Variants in HIP1 observed in about 807,000 individuals in gnomAD.
The protein encoded by HIP1 is huntingtin interacting protein 1.
A neutral mutation model predicts 147.6 loss-of-function variants in HIP1; 65 were observed. The ratio of observed to expected loss-of-function variants is 0.44; its 90% CI spans 0.36 to 0.54. The LOEUF is 0.54. Among genes scored for constraint, HIP1 ranks in the 20% least tolerant of loss-of-function variants. The probability of loss-of-function intolerance (pLI) is 0.00; values close to 1 mark genes in which losing one functional copy is unlikely to be tolerated. For synonymous variants in HIP1, 479 were observed against 504.0 expected (o/e 0.95, Z 0.67); for missense variants, 1,061 against 1,299.6 (o/e 0.82, Z 2.82).
At chr7:75,614,392 G>GACACACAC (rs148907808) in intron 1 of HIP1, among the ~76,000 whole-genome samples, 1 of 150,344 alleles carries the variant, frequency 6.7e-6, no homozygotes, top group Admixed American at 6.6e-5. Context: ...CACACACATA[G>GACACACAC]ACACACACAC....
chr7:75,563,164 G>A (rs1302079190), intron 10 of HIP1, 24 bp downstream of exon 10: 2 of 1,613,996 alleles, frequency 1.2e-6, no homozygotes, highest in African/African-American at 2.7e-5. Flanking sequence ...GCAGTGCCGA[G>A]GGTGTGTGGT....
chr7:75,736,261 C>A (rs1802017648), intron 1 of HIP1, among the ~76,000 whole-genome samples: 1 of 150,980 alleles, frequency 6.6e-6, no homozygotes, highest in South Asian at 2.1e-4. Flanking sequence ...GGAAACATAC[C>A]ACTCACGGGT....
chr7:75,556,419 T>C (rs1313099330), intron 17 of HIP1, among the ~76,000 whole-genome samples: 2 of 152,106 alleles, frequency 1.3e-5, no homozygotes, highest in African/African-American at 4.8e-5. Context: ...TGAAGGCTCA[T>C]GTCTGTAATC....
At chr7:75,665,800 C>T (rs1288269866) in intron 1 of HIP1, among the ~76,000 whole-genome samples, 1 of 152,170 alleles carries the variant, frequency 6.6e-6, no homozygotes, top group Non-Finnish European at 1.5e-5. Context: ...TTCGGCCTCC[C>T]AAAGTGCTGG....
Position 75,642,967 on chromosome 7 carries a change from C to T in HIP1, c.121-43720G>A, listed in dbSNP as rs118057570. Reference sequence around the variant, plus strand: ...GGAATTCCAACCCCACAGCACTCCACGTTTAACATCCACTGAAAAGCACAC... The same window carrying T: ...GGAATTCCAACCCCACAGCACTCCATGTTTAACATCCACTGAAAAGCACAC... On this transcript the variant is annotated intron_variant, in intron 1 of 30. Transcript: ENST00000336926. 3.3e-3 allele frequency among the ~76,000 whole-genome samples: 506 copies of T among 152,300 alleles called. 3 individuals are homozygous for T. The highest frequency in any genetic ancestry group is 4.4e-3 in the Non-Finnish European group (296 of 68,020).
intron 1 of HIP1, among the ~76,000 whole-genome samples, chr7:75,688,199 C>A (rs951750538): frequency 6.6e-6 from 1 of 152,192 alleles, no homozygotes; most frequent in Non-Finnish European, 1.5e-5. Flanking sequence ...ACCACCAACA[C>A]CCCTCCGTGG....
chr7:75,665,973 G>A (rs1799547846), intron 1 of HIP1, among the ~76,000 whole-genome samples: 2 of 151,978 alleles, frequency 1.3e-5, no homozygotes, highest in South Asian at 4.2e-4. Flanking sequence ...CTGTATGTAT[G>A]GACTGAAACA....
At chr7:75,599,059 C>A in intron 2 of HIP1, 125 bp downstream of exon 2, 5 of 695,424 alleles carry the variant, frequency 7.2e-6, no homozygotes, top group Middle Eastern at 3.2e-4. Context: ...TCAGAAGCTG[C>A]AGGGACCTGG....
At chr7:75,648,283 T>C (rs545378856) in intron 1 of HIP1, among the ~76,000 whole-genome samples, 1 of 152,066 alleles carries the variant, frequency 6.6e-6, no homozygotes, top group South Asian at 2.1e-4. Context: ...TTGGAGTAGC[T>C]GGGGCTCGTC....
At position 75,568,747 on chromosome 7, in the gene HIP1, G is replaced by A. The variant is rs57942740; in HGVS notation, c.746-491C>T. On this transcript the variant is annotated intron_variant, in intron 8 of 30. Coordinates refer to ENST00000336926, the MANE Select transcript of HIP1 (RefSeq NM_005338.7). This position sits in a 1 kb window ranked among gnomAD's most constrained non-coding sequence, Gnocchi z 4.1. ...TTGAAGGCCAGGTGCAGTGGCTCAC[G>A]CATGTAATCCCAGCACTTTGGGAGG... 0.16 allele frequency among the ~76,000 whole-genome samples: 24,804 copies of A among 152,202 alleles called. 2,221 individuals carry two copies. The highest frequency in any genetic ancestry group is 0.24 in the African/African-American group (9,929 of 41,516).
At chr7:75,623,281 T>A (rs1345283380) in intron 1 of HIP1, among the ~76,000 whole-genome samples, 1 of 149,096 alleles carries the variant, frequency 6.7e-6, no homozygotes. Context: ...GGCTGGGAGC[T>A]GGAGGCAATG....
intron 22 of HIP1, among the ~76,000 whole-genome samples, chr7:75,552,877 T>TA (rs1235023192): frequency 6.6e-6 from 1 of 151,946 alleles, no homozygotes; most frequent in Non-Finnish European, 1.5e-5. Flanking sequence ...TTTTTTTTTT[T>TA]AATTTTTAAA....
At chr7:75,622,276 C>CA (rs35866984) in intron 1 of HIP1, among the ~76,000 whole-genome samples, 108 of 146,238 alleles carry the variant, frequency 7.4e-4, no homozygotes, top group African/African-American at 1.7e-3. Flanking sequence ...GACTCTGTCT[C>CA]AAAAAAAAAA....
chr7:75,723,906 C>A (rs557880918), intron 1 of HIP1, among the ~76,000 whole-genome samples: 1 of 151,486 alleles, frequency 6.6e-6, no homozygotes, highest in Non-Finnish European at 1.5e-5. Flanking sequence ...TGTGTCAGTG[C>A]GCCCGGCTAA....
chr7:75,602,701 A>T (rs1554503228), intron 1 of HIP1, among the ~76,000 whole-genome samples: 1 of 151,186 alleles, frequency 6.6e-6, no homozygotes, highest in African/African-American at 2.4e-5. Context: ...ATCTCCTTAT[A>T]TATTTTCTTC....
In HIP1 at chr7:75,554,133, G is replaced by A; in HGVS notation, c.2138C>T (p.Ala713Val). Residue 713 changes from alanine (A) to valine (V), a missense_variant, in exon 21 of 31, where the codon GCC (alanine) becomes GTC (valine). This residue lies in a region of HIP1 where 810 missense variants were observed against 946.8 expected (regional missense o/e 0.86). Transcript: ENST00000336926. ...IAHGATTCLR[A>V]PPEPADSLTE... ...CTCACAGTCGGCAGGCTCAGGTGGGGCTCTGAGGCAGGTGGTGGCACCATG... is the reference window on the plus strand; with the variant it reads ...CTCACAGTCGGCAGGCTCAGGTGGGACTCTGAGGCAGGTGGTGGCACCATG... 1 of 1,613,784 alleles carries A rather than the reference G, an allele frequency of 6.2e-7. No homozygotes were observed. Among genetic ancestry groups the A allele is most frequent in the East Asian group, 2.2e-5 (1 of 44,888 alleles).
At position 75,546,574 on chromosome 7, in the gene HIP1, G is replaced by A. The variant is rs187330322; in HGVS notation, c.2559+365C>T. 4.3e-3 allele frequency among the ~76,000 whole-genome samples: 658 copies of A among 152,368 alleles called. 3 individuals are homozygous for A. Among genetic ancestry groups the A allele is most frequent in the Non-Finnish European group, 5.7e-3 (385 of 68,044 alleles). The stretch of plus-strand genomic sequence containing the variant: ...TGAGTTGACTCTGCTGTTAGAAACA[G>A]ATTAGGCCGAACTCCCTGTGAAAAG... On this transcript the variant is annotated intron_variant, in intron 25 of 30. Coordinates refer to ENST00000336926, the MANE Select transcript of HIP1 (RefSeq NM_005338.7).
At chr7:75,554,585 GTTAA>G in intron 19 of HIP1, 59 bp from the exon 20 acceptor site, 1 of 1,284,396 alleles carries the variant, frequency 7.8e-7, no homozygotes, top group Non-Finnish European at 1.1e-6. Context: ...CTTCATCCTC[GTTAA>G]TTAAGCACTG....
rs141940280 is a variant in HIP1, at chr7:75,555,484, T to C, written c.1895A>G (p.Glu632Gly). The C allele has an allele frequency of 3.3e-5, 53 of 1,614,094 alleles. No homozygotes were observed. The highest frequency in any genetic ancestry group is 4.4e-5 in the Non-Finnish European group (52 of 1,180,048). ...GTTCAGGGCGTCTTGTATCACCTGC[T>C]CCGCAGCCTTCCTGGACCCCACCAG... ...MLLVGSRKAA[E>G]QVIQDALNQL... is the part of the protein sequence containing the mutation. Residue 632 changes from glutamate (E) to glycine (G), a missense_variant, in exon 19 of 31, where the codon GAG becomes GGG. Transcript: ENST00000336926.
Sources: allele counts gnomAD v4.1 joint callset (sites outside exome capture counted in the v4.1 genomes callset), GRCh38; gene constraint gnomAD v4.1.1; regional missense constraint gnomAD v4.1.1; non-coding constraint Gnocchi (gnomAD v3.1); transcripts MANE v1.5; gene names NCBI Gene and HGNC (gene_info 2026-07-23, HGNC 2026-07-21).